PTPRN2: variants seen among roughly 807,000 people sequenced by gnomAD.
PTPRN2 encodes the protein protein tyrosine phosphatase receptor type N2.
PTPRN2 carries 74 observed loss-of-function variants against 118.8 expected under a neutral mutation model. That is an observed-to-expected ratio of 0.62 (90% CI 0.52 to 0.76). The LOEUF (loss-of-function observed/expected upper bound fraction) is 0.76. PTPRN2 is among the 30% of genes least tolerant of loss of function. PTPRN2 has a pLI of 0.00. For synonymous variants in PTPRN2, 641 were observed against 608.0 expected (o/e 1.05, Z -0.80); for missense variants, 1,481 against 1,394.4 (o/e 1.06, Z -0.99).
At chr7:158,220,981 A>T (rs1828320456) in intron 3 of PTPRN2, among the ~76,000 whole-genome samples, 1 of 152,230 alleles carries the variant, frequency 6.6e-6, no homozygotes, top group African/African-American at 2.4e-5. Flanking sequence ...ATAAGGCCAT[A>T]GTAACCAAAA....
intron 12 of PTPRN2, among the ~76,000 whole-genome samples, chr7:157,856,778 T>C (rs1372108233): frequency 6.6e-6 from 1 of 152,242 alleles, no homozygotes; most frequent in East Asian, 1.9e-4. Flanking sequence ...ATCTTTTTCG[T>C]ATGTCTGTCA....
At position 158,056,853 on chromosome 7, in the gene PTPRN2, G is replaced by A. The variant is rs563614706; in HGVS notation, c.1723+24445C>T. Among the ~76,000 whole-genome samples, 8 of 152,270 alleles carry A rather than the reference G, an allele frequency of 5.3e-5. No homozygotes were observed. In the South Asian group the frequency reaches 6.2e-4, roughly 12 times the overall value. On this transcript the variant is annotated intron_variant, in intron 11 of 22. Transcript: ENST00000389418. Reference sequence around the variant, plus strand: ...CACGCATCATCCCAGGTCAGGGGACGGTGAGTGGCCATCCAGCATGGTGGA... The same window carrying A: ...CACGCATCATCCCAGGTCAGGGGACAGTGAGTGGCCATCCAGCATGGTGGA...
chr7:157,919,085 G>T (rs1449586983), intron 11 of PTPRN2, among the ~76,000 whole-genome samples: 1 of 152,100 alleles, frequency 6.6e-6, no homozygotes, highest in Non-Finnish European at 1.5e-5. Flanking sequence ...CTCCCACAAG[G>T]GTCCTACAGC....
chr7:158,262,211 C>T (rs1052703861), intron 3 of PTPRN2, among the ~76,000 whole-genome samples: 5 of 152,218 alleles, frequency 3.3e-5, no homozygotes, highest in Non-Finnish European at 7.3e-5. Context: ...AACACAGACA[C>T]AAGCATACAC....
chr7:157,754,954 G>A (rs902977710), intron 12 of PTPRN2, among the ~76,000 whole-genome samples: 1 of 152,120 alleles, frequency 6.6e-6, no homozygotes, highest in African/African-American at 2.4e-5. Context: ...GTGCAGTCTG[G>A]GATCACTGAA....
At chr7:158,070,975 A>T (rs1811357580) in intron 11 of PTPRN2, among the ~76,000 whole-genome samples, 1 of 58,662 alleles carries the variant, frequency 1.7e-5, no homozygotes, top group East Asian at 4.1e-4. Flanking sequence ...CTCACGGTGG[A>T]GGTGCCCGTG....
chr7:157,718,877 C>T (rs550329457), intron 12 of PTPRN2, among the ~76,000 whole-genome samples: 1 of 152,354 alleles, frequency 6.6e-6, no homozygotes, highest in South Asian at 2.1e-4. Flanking sequence ...CCCCCAAACC[C>T]ACCTTGTCGC....
chr7:158,319,474 AAGCACAGC>A (rs1802666884), intron 2 of PTPRN2, among the ~76,000 whole-genome samples: 1 of 54,404 alleles, frequency 1.8e-5, no homozygotes, highest in African/African-American at 8.0e-5. Context: ...CCTCACACAC[AAGCACAGC>A]CTCCCTCACA....
At chr7:157,934,609 T>C (rs1391574186) in intron 11 of PTPRN2, among the ~76,000 whole-genome samples, 2 of 152,230 alleles carry the variant, frequency 1.3e-5, no homozygotes, top group Non-Finnish European at 2.9e-5. Context: ...TAATTTCCAC[T>C]CTGACCTGAT....
chr7:157,573,692 G>A (rs1261062679), intron 19 of PTPRN2, among the ~76,000 whole-genome samples: 1 of 152,162 alleles, frequency 6.6e-6, no homozygotes, highest in African/African-American at 2.4e-5. Context: ...AACCCCCTTG[G>A]CTGGGAAATG....
At chr7:158,515,055 G>A (rs1201895510) in intron 1 of PTPRN2, among the ~76,000 whole-genome samples, 2 of 152,190 alleles carry the variant, frequency 1.3e-5, no homozygotes, top group East Asian at 3.8e-4. Flanking sequence ...TGACAAAGAC[G>A]ATGATCCGAA....
rs558962624 is a variant in PTPRN2 at position 158,563,419 on chromosome 7, C to T, written c.112+24139G>A. On this transcript the variant is annotated intron_variant, in intron 1 of 22. Transcript: ENST00000389418. The surrounding 1 kb of genome is among the most constrained non-coding windows in gnomAD (Gnocchi z 5.1). Reference sequence around the variant, plus strand: ...TTACTGCAGCAGTTTGCAAGTTGGCCGTGATGTCTCATAATATGAAGTTTG... The same window carrying T: ...TTACTGCAGCAGTTTGCAAGTTGGCTGTGATGTCTCATAATATGAAGTTTG... 3.9e-5 allele frequency among the ~76,000 whole-genome samples: 6 copies of T among 152,256 alleles called. No homozygotes were observed. The South Asian group carries it at 6.2e-4, about 16-fold the overall frequency.
In PTPRN2 at chr7:157,881,496, T is replaced by C. The variant is rs981539197; in HGVS notation, c.1788+17177A>G. On this transcript the variant is annotated intron_variant, in intron 12 of 22. Coordinates refer to ENST00000389418, the MANE Select transcript of PTPRN2 (RefSeq NM_002847.5). The surrounding 1 kb of genome is among the most constrained non-coding windows in gnomAD (Gnocchi z 4.7). ...CACCAGGATTGTGAGCAATAAAGGT[T>C]TGTGACTGAAGCCCCCCACTCTGCA... 1.3e-5 allele frequency among the ~76,000 whole-genome samples: 2 copies of C among 152,036 alleles called. No homozygotes were observed. Among genetic ancestry groups the C allele is most frequent in the African/African-American group, 4.8e-5 (2 of 41,378 alleles).
intron 12 of PTPRN2, among the ~76,000 whole-genome samples, chr7:157,704,543 G>A (rs530547036): frequency 1.6e-4 from 24 of 152,288 alleles, no homozygotes; most frequent in South Asian, 1.0e-3. Context: ...GGCTGGGCCC[G>A]CCCTGCCCCA....
intron 3 of PTPRN2, among the ~76,000 whole-genome samples, chr7:158,315,550 G>C (rs1355262580): frequency 6.6e-6 from 1 of 150,958 alleles, no homozygotes; most frequent in East Asian, 2.0e-4. Flanking sequence ...GTGAACCCGG[G>C]ACCCCTGAAG....
intron 12 of PTPRN2, among the ~76,000 whole-genome samples, chr7:157,759,942 G>A (rs145489515): frequency 0.012 from 1,866 of 152,280 alleles, 40 homozygotes; most frequent in African/African-American, 0.043. Context: ...GAACATCAGT[G>A]AGAACCATAG....
At chr7:157,975,856 G>A (rs1802706010) in intron 11 of PTPRN2, among the ~76,000 whole-genome samples, 1 of 152,176 alleles carries the variant, frequency 6.6e-6, no homozygotes, top group Non-Finnish European at 1.5e-5. Flanking sequence ...ATGCCTGTCT[G>A]CAGGAGTTCC....
intron 11 of PTPRN2, among the ~76,000 whole-genome samples, chr7:157,963,500 C>G (rs144601630): frequency 1.3e-5 from 2 of 152,274 alleles, no homozygotes; most frequent in Non-Finnish European, 2.9e-5. Flanking sequence ...CACATAGATA[C>G]GTGTTACACA....
At chr7:158,491,927 G>C (rs1821481701) in intron 1 of PTPRN2, among the ~76,000 whole-genome samples, 1 of 152,206 alleles carries the variant, frequency 6.6e-6, no homozygotes, top group African/African-American at 2.4e-5. Flanking sequence ...GGCAGGGAAC[G>C]TTCTGAGAGA....
Sources: allele counts gnomAD v4.1 joint callset (sites outside exome capture counted in the v4.1 genomes callset), GRCh38; gene constraint gnomAD v4.1.1; non-coding constraint Gnocchi (gnomAD v3.1); transcripts MANE v1.5; gene names NCBI Gene and HGNC (gene_info 2026-07-23, HGNC 2026-07-21).